Variants in ZMYM6 observed in about 807,000 individuals in gnomAD.
ZMYM6 encodes the protein zinc finger MYM-type protein 6.
ZMYM6 carries 90 observed loss-of-function variants against 134.0 expected under a neutral mutation model. The observed-to-expected ratio is 0.67, with a 90% CI of 0.57 to 0.80. ZMYM6 has a LOEUF of 0.80. Ranked by LOEUF, ZMYM6 falls within the 30% of genes least tolerant of loss-of-function variation. ZMYM6 has a pLI of 0.00. For synonymous variants in ZMYM6, 481 were observed against 524.1 expected (o/e 0.92, Z 1.12); for missense variants, 1,362 against 1,533.9 (o/e 0.89, Z 1.87).
In ZMYM6 at chr1:34,988,836, A is replaced by C. The variant is rs761796919; in HGVS notation, c.2246T>G (p.Leu749Ter). The change falls in exon 16 of 16, where the codon TTA (leucine) becomes TGA (stop). Residue 749 changes from leucine (L) to a stop codon, truncating the protein, a stop_gained. Coordinates refer to ENST00000357182, the MANE Select transcript of ZMYM6 (RefSeq NM_007167.4). LOFTEE classifies it high-confidence loss of function. Reference sequence around the variant, plus strand: ...AGGACAGATAATAAAACCAACTTTTAAATATTCTGTATCATAAGTCTGGAA... The same window carrying C: ...AGGACAGATAATAAAACCAACTTTTCAATATTCTGTATCATAAGTCTGGAA... Reference protein sequence around the residue: ...GFFQTYDTEYLKVGFIICPGS... With the variant: ...GFFQTYDTEY The C allele has an allele frequency of 3.5e-5, 55 of 1,580,952 alleles. No individual in the cohort carries two copies. Among genetic ancestry groups the C allele is most frequent in the Non-Finnish European group, 4.6e-5 (53 of 1,161,068 alleles).
chr1:35,007,590 T>C (rs973284632), intron 11 of ZMYM6, among the ~76,000 whole-genome samples: 22 of 148,208 alleles, frequency 1.5e-4, no homozygotes, highest in Admixed American at 1.3e-4. Context: ...TCTGTCTCAA[T>C]AGAAAAAAAA....
At chr1:35,015,845 G>A (rs1641177185) in intron 4 of ZMYM6, among the ~76,000 whole-genome samples, 1 of 150,256 alleles carries the variant, frequency 6.7e-6, no homozygotes, top group South Asian at 2.1e-4. Flanking sequence ...TGGGACCAGT[G>A]TCCATCCCAC....
At chr1:35,010,293 T>A (rs766033521) in intron 10 of ZMYM6, among the ~76,000 whole-genome samples, 154 bp downstream of exon 10, 4 of 152,224 alleles carry the variant, frequency 2.6e-5, no homozygotes, top group Non-Finnish European at 5.9e-5. Flanking sequence ...AATGCTGGGA[T>A]TACAGGCGTG....
intron 10 of ZMYM6, 56 bp from the exon 11 acceptor site, chr1:35,008,980 T>C: frequency 6.5e-7 from 1 of 1,543,218 alleles, no homozygotes; most frequent in Non-Finnish European, 8.8e-7. Flanking sequence ...ACTGAGGAGG[T>C]ATAATAAGTT....
At chr1:34,989,160 G>T in intron 15 of ZMYM6, 2 of 1,313,100 alleles carry the variant, frequency 1.5e-6, no homozygotes, top group East Asian at 3.3e-5. Context: ...AAAACTGTAG[G>T]ATGTGGTACA....
intron 2 of ZMYM6, among the ~76,000 whole-genome samples, chr1:35,023,292 A>AG (rs1641345625): frequency 2.0e-5 from 3 of 151,976 alleles, no homozygotes; most frequent in Admixed American, 2.0e-4. Flanking sequence ...TTTTTAGTAG[A>AG]GACGGGGTTT....
At chr1:34,996,569 T>G (rs989678047) in intron 14 of ZMYM6, among the ~76,000 whole-genome samples, 3 of 152,196 alleles carry the variant, frequency 2.0e-5, no homozygotes, top group African/African-American at 7.2e-5. Context: ...TATACAAGTG[T>G]GTGTGTGTAT....
chr1:34,991,054 G>C (rs2148441913), intron 15 of ZMYM6, among the ~76,000 whole-genome samples: 1 of 152,250 alleles, frequency 6.6e-6, no homozygotes, highest in East Asian at 1.9e-4. Context: ...AGTAGAGATG[G>C]GGTTTCACCA....
In ZMYM6 at chr1:35,010,885, G is replaced by C. The variant is rs751065632; in HGVS notation, c.1214C>G (p.Ala405Gly). 3.7e-6 allele frequency: 6 copies of C among 1,614,026 alleles called. No individual in the cohort carries two copies. Among genetic ancestry groups the C allele is most frequent in the Middle Eastern group, 1.7e-4 (1 of 6,060 alleles). ...AVSPSSIRGS[A>G]AASLQPLAEQ... ...AGCAAGAGGTTGGAGGCTGGCTGCA[G>C]CAGAGCCACGGATGGAGCTGGGGGA... is the stretch of plus-strand genomic sequence containing the variant. The change falls in exon 9 of 16, where the codon GCT becomes GGT. Residue 405 changes from alanine (A) to glycine (G), a missense_variant. Ala to Gly is a moderately conservative substitution (Grantham distance 60, BLOSUM62 0). Transcript: ENST00000357182.
chr1:34,992,511 T>C (rs994140357), intron 14 of ZMYM6, 124 bp from the exon 15 acceptor site: 2 of 1,088,720 alleles, frequency 1.8e-6, no homozygotes, highest in African/African-American at 1.6e-5. Context: ...GAAAGAGTGG[T>C]TGCAATAAAA....
chr1:35,020,483 GAA>G lies in ZMYM6; in HGVS notation c.94-18_94-17del. The G allele has an allele frequency of 7.0e-7, 1 of 1,437,074 alleles. No individual in the cohort carries two copies. Among genetic ancestry groups the G allele is most frequent in the Non-Finnish European group, 9.3e-7 (1 of 1,080,046 alleles). 89.0% of individuals were successfully genotyped at this position (1,437,074 alleles called of 1,614,324 possible). ...ATCCATACTCCTTTAAAAAAAAAAA[GAA>G]AAGAGAAAAGAGCAATGAATACAAT... On this transcript the variant is annotated splice_polypyrimidine_tract_variant and intron_variant, in intron 2 of 15. Coordinates refer to ENST00000357182, the MANE Select transcript of ZMYM6 (RefSeq NM_007167.4).
intron 4 of ZMYM6, among the ~76,000 whole-genome samples, chr1:35,015,743 A>AAAAAAAAAATATATATATATATAT: frequency 9.4e-5 from 10 of 106,476 alleles, no homozygotes; most frequent in African/African-American, 6.6e-4. Flanking sequence ...AAAAAAAAAA[A>AAAAAAAAAATATATATATATATAT]ATATATATAT....
chr1:35,015,743 A>AAAAAAAATATATAT, intron 4 of ZMYM6, among the ~76,000 whole-genome samples: 16 of 106,456 alleles, frequency 1.5e-4, no homozygotes, highest in African/African-American at 1.1e-3. Flanking sequence ...AAAAAAAAAA[A>AAAAAAAATATATAT]ATATATATAT....
chr1:35,008,777 G>A lies in ZMYM6; in HGVS notation c.1640C>T (p.Ser547Phe). 1 of 1,613,648 alleles carries A rather than the reference G, an allele frequency of 6.2e-7. No individual in the cohort carries two copies. Among genetic ancestry groups the A allele is most frequent in the Non-Finnish European group, 8.5e-7 (1 of 1,179,864 alleles). Residue 547 changes from serine (S) to phenylalanine (F), a missense_variant, in exon 11 of 16, where the codon TCC becomes TTC. Ser to Phe is a radical substitution (Grantham distance 155). Around this residue, in one of 3 missense-constraint regions of ZMYM6, gnomAD observed 824 missense variants for 940.9 expected, o/e 0.88. Transcript: ENST00000357182. Reference protein sequence around the residue: ...LEEFCCEDCMSKFTVLFYQMA... With the variant: ...LEEFCCEDCMFKFTVLFYQMA... ...CTGATAAAACAGAACTGTAAATTTGGACATACAATCTTCACAACAAAACTC... is the reference window on the plus strand; with the variant it reads ...CTGATAAAACAGAACTGTAAATTTGAACATACAATCTTCACAACAAAACTC...
chr1:34,992,790 TA>T (rs1640706089), intron 14 of ZMYM6, among the ~76,000 whole-genome samples: 1 of 143,514 alleles, frequency 7.0e-6, no homozygotes, highest in Admixed American at 6.9e-5. Context: ...AATATACTTA[TA>T]AACTATAAAT....
At chr1:34,999,177 TA>T (rs1640837958) in intron 14 of ZMYM6, among the ~76,000 whole-genome samples, 1 of 152,028 alleles carries the variant, frequency 6.6e-6, no homozygotes, top group East Asian at 1.9e-4. Flanking sequence ...AAGGGCCAAG[TA>T]TGATGTCCTG....
Position 35,012,612 on chromosome 1 carries a change from G to A in ZMYM6, c.796-31C>T, listed in dbSNP as rs758890986. On this transcript the variant is annotated intron_variant, in intron 6 of 15. Transcript: ENST00000357182. ...AAAATAAAATAACATTAGATACCTAGTACAAACATACATATTTACATATTG... is the reference window on the plus strand; with the variant it reads ...AAAATAAAATAACATTAGATACCTAATACAAACATACATATTTACATATTG... The A allele has an allele frequency of 3.5e-5, 57 of 1,607,586 alleles. 1 individual carries two copies. In the South Asian group the frequency reaches 5.8e-4, roughly 16 times the overall value.
At chr1:35,014,541 C>T (rs551252463) in intron 6 of ZMYM6, among the ~76,000 whole-genome samples, 156 bp downstream of exon 6, 1 of 152,324 alleles carries the variant, frequency 6.6e-6, no homozygotes, top group East Asian at 1.9e-4. Flanking sequence ...CCACAATCAT[C>T]CCTCACACCA....
At chr1:35,002,733 T>C (rs1413263629) in intron 14 of ZMYM6, among the ~76,000 whole-genome samples, 1 of 152,228 alleles carries the variant, frequency 6.6e-6, no homozygotes, top group Non-Finnish European at 1.5e-5. Context: ...TCATAGATTT[T>C]TTATCACATC....
Sources: gnomAD v4.1 joint callset for allele counts (sites outside exome capture counted in the v4.1 genomes callset) on GRCh38, gnomAD v4.1.1 for gene constraint, gnomAD v4.1.1 regional missense constraint, MANE v1.5 for transcripts, NCBI Gene and HGNC (gene_info 2026-07-23, HGNC 2026-07-21) for gene names.